The following KDM4C variants were observed in gnomAD, a reference collection of about 807,000 sequenced individuals.
KDM4C encodes the protein lysine demethylase 4C.
KDM4C carries 81 observed loss-of-function variants against 129.3 expected under a neutral mutation model. The observed-to-expected ratio is 0.63, with a 90% CI of 0.52 to 0.75. The LOEUF (loss-of-function observed/expected upper bound fraction) is 0.75, where lower values mean the gene tolerates loss of function less well. Among genes scored for constraint, KDM4C ranks in the 30% least tolerant of loss-of-function variants. The probability of loss-of-function intolerance (pLI) is 0.00; values close to 1 mark genes in which losing one functional copy is unlikely to be tolerated. For missense variants in KDM4C, 1,457 were observed against 1,304.0 expected, an observed-to-expected ratio of 1.12 and a Z score of -1.81; for synonymous variants, 573 against 456.1, an observed-to-expected ratio of 1.26 and a Z score of -3.26.
At chr9:7,161,630 G>C (rs1378793847) in intron 19 of KDM4C, among the ~76,000 whole-genome samples, 1 of 152,144 alleles carries the variant, frequency 6.6e-6, no homozygotes, top group Non-Finnish European at 1.5e-5. Context: ...AGTGTGACAG[G>C]CCTCACGTGT....
chr9:6,901,260 C>T (rs1817360009), intron 8 of KDM4C, among the ~76,000 whole-genome samples: 2 of 152,176 alleles, frequency 1.3e-5, no homozygotes, highest in Non-Finnish European at 1.5e-5. Context: ...TTGCCATAGT[C>T]AGATGCCCTG....
At chr9:6,985,977 C>CA (rs1390296081) in intron 10 of KDM4C, among the ~76,000 whole-genome samples, 3 of 152,236 alleles carry the variant, frequency 2.0e-5, no homozygotes, top group African/African-American at 7.2e-5. Context: ...ACACGTGAGC[C>CA]ACCGTGCCCG....
Position 6,830,891 on chromosome 9 carries a change from A to G in KDM4C, c.435+16146A>G, listed in dbSNP as rs541144606. ...GAGAAAATGAAGCAAGGTGGAAAAA[A>G]CCAACAACTGGGAGAAACTGAAGGA... On this transcript the variant is annotated intron_variant, in intron 4 of 21. Transcript: ENST00000381309. Among the ~76,000 whole-genome samples, 5 of 152,356 alleles carry G rather than the reference A, an allele frequency of 3.3e-5. No individual in the cohort carries two copies. The East Asian group carries it at 9.6e-4, about 29-fold the overall frequency.
At chr9:6,805,813 G>A (rs199610862) in intron 3 of KDM4C, 39 bp downstream of exon 3, 1 of 1,559,204 alleles carries the variant, frequency 6.4e-7, no homozygotes, top group African/African-American at 1.4e-5. Context: ...TTCCTTCAAA[G>A]ATTTATGTAA....
intron 1 of KDM4C, among the ~76,000 whole-genome samples, chr9:6,726,217 A>G (rs1298221258): frequency 6.6e-6 from 1 of 151,922 alleles, no homozygotes; most frequent in Non-Finnish European, 1.5e-5. Flanking sequence ...AGCCACCACA[A>G]CCGGCCAGAT....
chr9:7,058,376 A>G (rs549517254), intron 17 of KDM4C, among the ~76,000 whole-genome samples: 28 of 152,222 alleles, frequency 1.8e-4, no homozygotes, highest in Non-Finnish European at 3.5e-4. Flanking sequence ...CAGCTCTCCT[A>G]GGAAAGGGGA....
intron 21 of KDM4C, chr9:7,170,881 C>G: frequency 2.8e-6 from 1 of 363,074 alleles, no homozygotes; most frequent in Non-Finnish European, 3.8e-6. Flanking sequence ...TGTCTTTGGC[C>G]TCACATAAAC....
chr9:7,117,633 ACAC>A (rs1839051757), intron 18 of KDM4C, among the ~76,000 whole-genome samples: 2 of 46,082 alleles, frequency 4.3e-5, no homozygotes, highest in Admixed American at 2.7e-4. Context: ...TTCTACACAC[ACAC>A]ACACACACAC....
At chr9:7,104,024 T>C in intron 18 of KDM4C, 154 bp downstream of exon 18, 2 of 662,558 alleles carry the variant, frequency 3.0e-6, no homozygotes, top group Admixed American at 5.6e-5. Context: ...GATTGCGCAC[T>C]GTTATTTCCT....
In KDM4C at chr9:7,013,803, G is replaced by A. The variant is rs753736423; in HGVS notation, c.1984G>A (p.Glu662Lys). 1 of 1,613,826 alleles carries A rather than the reference G, an allele frequency of 6.2e-7. No individual in the cohort carries two copies. Among genetic ancestry groups the A allele is most frequent in the South Asian group, 1.1e-5 (1 of 91,060 alleles). The stretch of plus-strand genomic sequence containing the variant: ...TGTTTTTCAGCCAGATAGCAGCAAT[G>A]AAGAAAATGATGCTAGATGGGAGAC... Reference protein sequence around the residue: ...MPYHKPDSSNEENDARWETKL... With the variant: ...MPYHKPDSSNKENDARWETKL... The change falls in exon 14 of 22, where the codon GAA (glutamate) becomes AAA (lysine). Residue 662 changes from glutamate to lysine, a missense_variant. Glu to Lys is a moderately conservative substitution (Grantham distance 56). Transcript: ENST00000381309.
At chr9:6,855,632 A>G (rs114261581) in intron 5 of KDM4C, among the ~76,000 whole-genome samples, 5,460 of 151,826 alleles carry the variant, frequency 0.036, 317 homozygotes, top group African/African-American at 0.12. Context: ...ACTCTCTTCT[A>G]TTCACCTTAC....
intron 1 of KDM4C, among the ~76,000 whole-genome samples, chr9:6,731,309 C>G: frequency 6.9e-6 from 1 of 145,348 alleles, no homozygotes; most frequent in South Asian, 2.2e-4. Flanking sequence ...ACAGAAGCAA[C>G]TACATTTTTT....
intron 15 of KDM4C, among the ~76,000 whole-genome samples, chr9:7,021,798 T>G (rs528893154): frequency 6.6e-6 from 1 of 152,338 alleles, no homozygotes; most frequent in Admixed American, 6.5e-5. Context: ...GTCTTAGATT[T>G]AAGTCTGCAG....
intron 1 of KDM4C, among the ~76,000 whole-genome samples, chr9:6,732,312 C>T (rs1043501953): frequency 8.0e-6 from 1 of 124,456 alleles, no homozygotes; most frequent in African/African-American, 3.1e-5. Flanking sequence ...TTGCAGTGAG[C>T]TGAGATCATG....
At position 7,165,334 on chromosome 9, in the gene KDM4C, T is replaced by A. The variant is rs1371148826; in HGVS notation, c.2878T>A (p.Ser960Thr). 7.4e-6 allele frequency: 12 copies of A among 1,613,914 alleles called. No individual in the cohort carries two copies. In the African/African-American group the frequency reaches 1.6e-4, roughly 22 times the overall value. ...GKLYGAKYFG[S>T]NIAHMYQVEF... The stretch of plus-strand genomic sequence containing the variant: ...ACTCTATGGAGCAAAATATTTTGGA[T>A]CAAATATTGCCCACATGTACCAGGT... Residue 960 changes from serine to threonine, a missense_variant, in exon 20 of 22, where the codon TCA becomes ACA. Transcript: ENST00000381309.
At chr9:6,937,492 G>A (rs1422942254) in intron 8 of KDM4C, among the ~76,000 whole-genome samples, 8 of 151,984 alleles carry the variant, frequency 5.3e-5, no homozygotes, top group Non-Finnish European at 1.2e-4. Context: ...ATATAGTAGG[G>A]TATTTTTGTG....
intron 3 of KDM4C, among the ~76,000 whole-genome samples, chr9:6,807,611 G>T (rs912985655): frequency 6.7e-6 from 1 of 149,774 alleles, no homozygotes; most frequent in African/African-American, 2.4e-5. Context: ...CTGCCCAGCC[G>T]CCCCGTCTGA....
chr9:6,856,044 C>G (rs932051045), intron 5 of KDM4C, among the ~76,000 whole-genome samples: 3 of 152,098 alleles, frequency 2.0e-5, no homozygotes, highest in Admixed American at 2.0e-4. Context: ...CCTGGCCCCA[C>G]CAGTCTTTTA....
chr9:6,986,650 G>A lies in KDM4C; in HGVS notation c.1661G>A (p.Ser554Asn), dbSNP rs748631120. Residue 554 changes from serine (S) to asparagine (N), a missense_variant, in exon 11 of 22, where the codon AGC (serine) becomes AAC (asparagine). By Grantham distance (46) the Ser-to-Asn change is conservative. Transcript: ENST00000381309. ...IPAVPSGERN[S>N]FKVPSIAEGE... The stretch of plus-strand genomic sequence containing the variant: ...GCGGTCCCCAGTGGAGAGAGAAATA[G>A]CTTCAAAGTCCCCAGTGTATGTGGC... 1 of 1,606,784 alleles carries A rather than the reference G, an allele frequency of 6.2e-7. No homozygotes were observed. Among genetic ancestry groups the A allele is most frequent in the East Asian group, 2.2e-5 (1 of 44,684 alleles).
Sources: allele counts gnomAD v4.1 joint callset (sites outside exome capture counted in the v4.1 genomes callset), GRCh38; gene constraint gnomAD v4.1.1; transcripts MANE v1.5; gene names NCBI Gene and HGNC (gene_info 2026-07-23, HGNC 2026-07-21).